NLRP3: variants seen among roughly 807,000 people sequenced by gnomAD.
The protein encoded by NLRP3 is NACHT, LRR and PYD domains-containing protein 3.
NLRP3 carries 48 observed loss-of-function variants against 91.3 expected under a neutral mutation model. The observed-to-expected ratio is 0.53, with a 90% CI of 0.42 to 0.67. The LOEUF is 0.67. NLRP3 is among the 30% of genes least tolerant of loss of function. The pLI, the probability that NLRP3 is intolerant of heterozygous loss-of-function variation, is 0.00. For missense variants in NLRP3, 982 were observed against 1,276.9 expected, an observed-to-expected ratio of 0.77 and a Z score of 3.52; for synonymous variants, 561 against 507.9, an observed-to-expected ratio of 1.10 and a Z score of -1.41.
Position 247,424,385 on chromosome 1 carries a change from C to A in NLRP3, c.936C>A (p.His312Gln). The A allele has an allele frequency of 6.2e-7, 1 of 1,614,080 alleles. No individual in the cohort carries two copies. Among genetic ancestry groups the A allele is most frequent in the Non-Finnish European group, 8.5e-7 (1 of 1,180,026 alleles). Residue 312 changes from histidine (H) to glutamine (Q), a missense_variant, in exon 4 of 10, where the codon CAC (histidine) becomes CAA (glutamine). Transcript: ENST00000336119. The surrounding 1 kb of genome is among the most constrained non-coding windows in gnomAD (Gnocchi z 8.1). ...AGCTGCAAGGTGCCTTTGACGAGCA[C>A]ATAGGACCGCTCTGCACTGACTGGC... ...FDELQGAFDE[H>Q]IGPLCTDWQK...
chr1:247,448,506 A>G lies in NLRP3; in HGVS notation c.*2A>G, dbSNP rs1664748029. 2 of 1,598,464 alleles carry G rather than the reference A, an allele frequency of 1.3e-6. No individual in the cohort carries two copies. Among genetic ancestry groups the G allele is most frequent in the Admixed American group, 1.7e-5 (1 of 60,010 alleles). ...GTCGTCTTTGAGCCTTCTTGGTAGG[A>G]GTGGAAACGGGGCTGCCAGACGCCA... On this transcript the variant is annotated 3_prime_UTR_variant, in exon 10 of 10. Coordinates refer to ENST00000336119, the MANE Select transcript of NLRP3 (RefSeq NM_001243133.2).
At chr1:247,448,039 T>G (rs1416923377) in intron 9 of NLRP3, among the ~76,000 whole-genome samples, 1 of 151,944 alleles carries the variant, frequency 6.6e-6, no homozygotes, top group Non-Finnish European at 1.5e-5. Context: ...CACATTTTTA[T>G]TGGGAGCCGT....
At position 247,446,524 on chromosome 1, in the gene NLRP3, A is replaced by ACTGTCAT. The variant is rs527545912; in HGVS notation, c.3005+1706_3005+1712dup. Reference sequence around the variant, plus strand: ...GATCTCCTTGCTGTTTTGCAAGAACACTGTCATCTCTGGATTTTTGCACTT... The same window carrying ACTGTCAT: ...GATCTCCTTGCTGTTTTGCAAGAACACTGTCATCTGTCATCTCTGGATTTTTGCACTT... On this transcript the variant is annotated intron_variant, in intron 9 of 9. Coordinates refer to ENST00000336119, the MANE Select transcript of NLRP3 (RefSeq NM_001243133.2). 3.5e-3 allele frequency among the ~76,000 whole-genome samples: 538 copies of ACTGTCAT among 152,212 alleles called. 2 individuals carry two copies. The highest frequency in any genetic ancestry group is 0.012 in the African/African-American group (515 of 41,536).
chr1:247,433,224 AGAAAAG>A (rs1558199645), intron 5 of NLRP3, among the ~76,000 whole-genome samples: 1 of 151,792 alleles, frequency 6.6e-6, no homozygotes, highest in Non-Finnish European at 1.5e-5. Context: ...AGAAAAGAAA[AGAAAAG>A]AAAAAGAATC....
chr1:247,425,056 A>G lies in NLRP3; in HGVS notation c.1607A>G (p.Glu536Gly). ...GCCGCCATGTACTACCTGCTGGAAG[A>G]GGAAAAGGAAGGAAGGACGAACGTT... is the stretch of plus-strand genomic sequence containing the variant. ...FFAAMYYLLE[E>G]EKEGRTNVPG... The change falls in exon 4 of 10, where the codon GAG becomes GGG. Residue 536 changes from glutamate (E) to glycine (G), a missense_variant. Around this residue, in one of 5 missense-constraint regions of NLRP3, gnomAD observed 548 missense variants for 713.7 expected, o/e 0.77. Coordinates refer to ENST00000336119, the MANE Select transcript of NLRP3 (RefSeq NM_001243133.2). The surrounding 1 kb of genome is among the most constrained non-coding windows in gnomAD (Gnocchi z 4.1). 1 of 1,614,156 alleles carries G rather than the reference A, an allele frequency of 6.2e-7. No homozygotes were observed. Among genetic ancestry groups the G allele is most frequent in the Non-Finnish European group, 8.5e-7 (1 of 1,180,018 alleles).
intron 5 of NLRP3, 22 bp downstream of exon 5, chr1:247,429,777 C>T (rs1663174427): frequency 3.7e-6 from 6 of 1,612,388 alleles, no homozygotes; most frequent in Non-Finnish European, 5.1e-6. Flanking sequence ...TGCATGTGAT[C>T]TGTGTGAGTG....
intron 6 of NLRP3, 70 bp from the exon 7 acceptor site, chr1:247,435,900 C>CAA: frequency 6.9e-7 from 1 of 1,455,404 alleles, no homozygotes; most frequent in South Asian, 1.1e-5. Context: ...GTGGCAGGTA[C>CAA]GGGTGCTTCC....
At chr1:247,439,564 G>C (rs1038793506) in intron 7 of NLRP3, among the ~76,000 whole-genome samples, 25 of 152,136 alleles carry the variant, frequency 1.6e-4, no homozygotes, top group Non-Finnish European at 2.2e-4. Context: ...TGTTAGATTT[G>C]TAACGACCTG....
Position 247,436,038 on chromosome 1 carries a change from C to A in NLRP3, c.2561C>A (p.Ser854Tyr). 6.2e-7 allele frequency: 1 copy of A among 1,614,148 alleles called. No individual in the cohort carries two copies. Among genetic ancestry groups the A allele is most frequent in the Non-Finnish European group, 8.5e-7 (1 of 1,180,024 alleles). The part of the protein sequence containing the change: ...DLASVLSTSH[S>Y]LTRLYVGENA... ...GCATCAGTATTGAGCACCAGCCATT[C>A]CCTGACCAGACTCTATGTGGGGGAG... Residue 854 changes from serine to tyrosine, a missense_variant, in exon 7 of 10, where the codon TCC (serine) becomes TAC (tyrosine). Coordinates refer to ENST00000336119, the MANE Select transcript of NLRP3 (RefSeq NM_001243133.2).
Position 247,425,333 on chromosome 1 carries a change from G to A in NLRP3, c.1884G>A (p.Leu628=), listed in dbSNP as rs1043912541. 2 of 1,614,190 alleles carry A rather than the reference G, an allele frequency of 1.2e-6. No homozygotes were observed. The highest frequency in any genetic ancestry group is 1.7e-6 in the Non-Finnish European group (2 of 1,180,030). ...AGATCCAGCCCAGCCAGCTGGAATT[G>A]TTCTACTGTTTGTACGAGATGCAGG... ...KLQIQPSQLE[L]FYCLYEMQEE... The change falls in exon 4 of 10, where the codon TTG becomes TTA. Residue 628 remains leucine (L), a synonymous_variant. Coordinates refer to ENST00000336119, the MANE Select transcript of NLRP3 (RefSeq NM_001243133.2). The surrounding 1 kb of genome is among the most constrained non-coding windows in gnomAD (Gnocchi z 4.1).
At chr1:247,427,787 C>A (rs12067940) in intron 4 of NLRP3, among the ~76,000 whole-genome samples, 305 of 34,038 alleles carry the variant, frequency 9.0e-3, no homozygotes, top group East Asian at 0.018. Context: ...AGGCTCAGCA[C>A]CCATTTCTCT....
intron 2 of NLRP3, 74 bp downstream of exon 2, chr1:247,419,151 T>G: frequency 1.1e-6 from 1 of 930,304 alleles, no homozygotes; most frequent in Non-Finnish European, 1.4e-6. Context: ...TCTTTATATA[T>G]ATATATATAT....
At chr1:247,433,356 T>G (rs1663486899) in intron 5 of NLRP3, among the ~76,000 whole-genome samples, 1 of 152,196 alleles carries the variant, frequency 6.6e-6, no homozygotes, top group African/African-American at 2.4e-5. Context: ...GCGAGGGCAG[T>G]GCCGACTGCG....
At chr1:247,434,337 A>G in intron 6 of NLRP3, 64 bp downstream of exon 6, 1 of 1,564,670 alleles carries the variant, frequency 6.4e-7, no homozygotes, top group Non-Finnish European at 8.7e-7. Context: ...CTCTGGCTTC[A>G]GTGAGGCCCG....
rs201019209 is a variant in NLRP3, at chr1:247,429,574, C to T, written c.2151-11C>T. 4.3e-5 allele frequency: 69 copies of T among 1,614,032 alleles called. No individual in the cohort carries two copies. The highest frequency in any genetic ancestry group is 5.7e-5 in the Non-Finnish European group (67 of 1,179,976). On this transcript the variant is annotated splice_polypyrimidine_tract_variant and intron_variant, in intron 4 of 9. Transcript: ENST00000336119. ...GATTTCTTTTCTGTCTGTCTTCCTTCTAATTCCTAGATTGGTGAACAGCCA... is the reference window on the plus strand; with the variant it reads ...GATTTCTTTTCTGTCTGTCTTCCTTTTAATTCCTAGATTGGTGAACAGCCA...
Position 247,436,051 on chromosome 1 carries a change from C to G in NLRP3, c.2574C>G (p.Leu858=). The change falls in exon 7 of 10, where the codon CTC becomes CTG. Residue 858 remains leucine (L), a synonymous_variant. Transcript: ENST00000336119. Reference sequence around the variant, plus strand: ...GCACCAGCCATTCCCTGACCAGACTCTATGTGGGGGAGAATGCCTTGGGAG... The same window carrying G: ...GCACCAGCCATTCCCTGACCAGACTGTATGTGGGGGAGAATGCCTTGGGAG... ...VLSTSHSLTR[L]YVGENALGDS... The G allele has an allele frequency of 6.2e-7, 1 of 1,614,128 alleles. No homozygotes were observed. Among genetic ancestry groups the G allele is most frequent in the Non-Finnish European group, 8.5e-7 (1 of 1,180,010 alleles).
rs769297212 is a variant in NLRP3 at position 247,418,962 on chromosome 1, G to A, written c.162G>A (p.Thr54=). 14 of 1,614,124 alleles carry A rather than the reference G, an allele frequency of 8.7e-6. No homozygotes were observed. Among genetic ancestry groups the A allele is most frequent in the Admixed American group, 1.7e-5 (1 of 60,010 alleles). ...TEKADHVDLA[T]LMIDFNGEEK... is the part of the protein sequence containing the mutation. ...AGGCAGACCATGTGGATCTAGCCAC[G>A]CTAATGATCGACTTCAATGGGGAGG... Residue 54 remains threonine (T), a synonymous_variant, in exon 2 of 10, where the codon ACG becomes ACA. Coordinates refer to ENST00000336119, the MANE Select transcript of NLRP3 (RefSeq NM_001243133.2).
chr1:247,444,332 T>C (rs1004359036), intron 8 of NLRP3, among the ~76,000 whole-genome samples, 190 bp downstream of exon 8: 3 of 152,184 alleles, frequency 2.0e-5, no homozygotes, highest in African/African-American at 7.2e-5. Context: ...CTTGAGTCCT[T>C]ACCATCACAG....
At chr1:247,423,100 A>G (rs1451172119) in intron 2 of NLRP3, 130 bp from the exon 3 acceptor site, 1 of 1,315,958 alleles carries the variant, frequency 7.6e-7, no homozygotes, top group Non-Finnish European at 1.1e-6. Flanking sequence ...TGTCCTCTGC[A>G]ACTCAGAGCC....
Sources: allele counts gnomAD v4.1 joint callset (sites outside exome capture counted in the v4.1 genomes callset), GRCh38; gene constraint gnomAD v4.1.1; regional missense constraint gnomAD v4.1.1; non-coding constraint Gnocchi (gnomAD v3.1); transcripts MANE v1.5; gene names NCBI Gene and HGNC (gene_info 2026-07-23, HGNC 2026-07-21).